PREX1: variants seen among roughly 807,000 people sequenced by gnomAD.
PREX1 encodes phosphatidylinositol-3,4,5-trisphosphate dependent Rac exchange factor 1, also known as phosphatidylinositol 3,4,5-trisphosphate-dependent Rac exchanger 1 protein.
A neutral mutation model predicts 198.3 loss-of-function variants in PREX1; 41 were observed. That is an observed-to-expected ratio of 0.21 (90% CI 0.16 to 0.27). The LOEUF (loss-of-function observed/expected upper bound fraction) is 0.27, where lower values mean the gene tolerates loss of function less well. PREX1 is among the 10% of genes least tolerant of loss of function. The pLI, the probability that PREX1 is intolerant of heterozygous loss-of-function variation, is 1.00. For missense variants in PREX1, 1,620 were observed against 2,200.7 expected (o/e 0.74, Z 5.28); for synonymous variants, 843 against 887.2 (o/e 0.95, Z 0.89).
intron 1 of PREX1, among the ~76,000 whole-genome samples, chr20:48,766,345 G>C (rs748305737): frequency 5.1e-4 from 77 of 152,182 alleles, no homozygotes; most frequent in Non-Finnish European, 7.8e-4. Context: ...TGACACAAAG[G>C]GATCGTCACA....
At chr20:48,801,055 G>C (rs555732395) in intron 1 of PREX1, among the ~76,000 whole-genome samples, 1 of 152,262 alleles carries the variant, frequency 6.6e-6, no homozygotes, top group Admixed American at 6.5e-5. Flanking sequence ...CTATCACCAG[G>C]ATAAAATGGG....
At chr20:48,808,172 G>A (rs2090420349) in intron 1 of PREX1, among the ~76,000 whole-genome samples, 1 of 152,128 alleles carries the variant, frequency 6.6e-6, no homozygotes, top group Non-Finnish European at 1.5e-5. Flanking sequence ...CCTGCTCTGG[G>A]GCTGACCTCA....
chr20:48,752,702 T>G (rs2090139486), intron 1 of PREX1, among the ~76,000 whole-genome samples: 1 of 152,144 alleles, frequency 6.6e-6, no homozygotes, highest in Non-Finnish European at 1.5e-5. Flanking sequence ...CTTGGCTGCC[T>G]TCTCCTCCCT....
chr20:48,823,554 C>A (rs1222292470), intron 1 of PREX1, among the ~76,000 whole-genome samples: 1 of 152,202 alleles, frequency 6.6e-6, no homozygotes, highest in Admixed American at 6.5e-5. Flanking sequence ...CAGCATGACT[C>A]CAGAGCCTCA....
chr20:48,758,531 G>A (rs570997620), intron 1 of PREX1, among the ~76,000 whole-genome samples: 1 of 152,308 alleles, frequency 6.6e-6, no homozygotes, highest in Non-Finnish European at 1.5e-5. Flanking sequence ...CACTTCAGCA[G>A]ATGTTCTCCT....
rs368018620 is a variant in PREX1 at position 48,636,475 on chromosome 20, C to G, written c.4155G>C (p.Ser1385=). ...GVLLHCQSLL[S]PATVKEERTM... ...CCCACTCACTCACCACTGTGGCTGG[C>G]GAGAGCAGGGACTGGCAGTGCAGCA... Residue 1385 remains serine (S), a synonymous_variant, in exon 32 of 40, where the codon TCG becomes TCC. Transcript: ENST00000371941. 6.2e-7 allele frequency: 1 copy of G among 1,604,376 alleles called. No homozygotes were observed. The highest frequency in any genetic ancestry group is 2.2e-5 in the East Asian group (1 of 44,780).
At chr20:48,651,356 C>T in intron 22 of PREX1, 40 bp downstream of exon 22, 3 of 1,540,064 alleles carry the variant, frequency 1.9e-6, no homozygotes, top group South Asian at 2.5e-5. Flanking sequence ...TGGCTTCAAT[C>T]CCCCAGGGTA....
At chr20:48,742,153 T>C (rs2090085274) in intron 3 of PREX1, among the ~76,000 whole-genome samples, 2 of 152,152 alleles carry the variant, frequency 1.3e-5, no homozygotes, top group Non-Finnish European at 2.9e-5. Flanking sequence ...ACGGGAGCCC[T>C]GCTGAGGTGC....
chr20:48,658,811 G>A (rs1224594011), intron 16 of PREX1, among the ~76,000 whole-genome samples: 2 of 152,134 alleles, frequency 1.3e-5, no homozygotes, highest in Admixed American at 6.5e-5. Context: ...AGGTGCTATC[G>A]GAGCTGAGGC....
intron 1 of PREX1, among the ~76,000 whole-genome samples, chr20:48,748,749 C>T (rs1417260028): frequency 6.6e-6 from 1 of 152,168 alleles, no homozygotes; most frequent in Non-Finnish European, 1.5e-5. Context: ...GCTGCGGGAG[C>T]CGAGGGTGCA....
At chr20:48,758,136 G>C (rs2090162973) in intron 1 of PREX1, among the ~76,000 whole-genome samples, 3 of 152,144 alleles carry the variant, frequency 2.0e-5, no homozygotes, top group African/African-American at 7.2e-5. Context: ...ACCAAGAAGG[G>C]AAGGCAGCCC....
At chr20:48,851,469 T>C in the PREX1 span, among the ~76,000 whole-genome samples, 3 of 152,182 alleles carry the variant, frequency 2.0e-5, no homozygotes, top group African/African-American at 7.2e-5. Context: ...ATCACGCCAT[T>C]GCACTCCAGC....
intron 1 of PREX1, among the ~76,000 whole-genome samples, chr20:48,788,230 G>C (rs1402063764): frequency 6.6e-6 from 1 of 152,214 alleles, no homozygotes; most frequent in African/African-American, 2.4e-5. Flanking sequence ...TTGCAGGATA[G>C]AGGCAGATGT....
chr20:48,782,539 A>G (rs1294635155), intron 1 of PREX1, among the ~76,000 whole-genome samples: 3 of 152,182 alleles, frequency 2.0e-5, no homozygotes, highest in Non-Finnish European at 2.9e-5. Context: ...ATCCATTTCT[A>G]TGAATATGTC....
At position 48,666,772 on chromosome 20, in the gene PREX1, G is replaced by C. The variant is rs1243243178; in HGVS notation, c.1666-417C>G. ...AATCTCCTGACCTCGTGATCCGTCC[G>C]TCTTGGCCTCCCAAAGTGCTGGAAT... On this transcript the variant is annotated intron_variant, in intron 14 of 39. Coordinates refer to ENST00000371941, the MANE Select transcript of PREX1 (RefSeq NM_020820.4). The surrounding 1 kb of genome is among the most constrained non-coding windows in gnomAD (Gnocchi z 4.3). Among the ~76,000 whole-genome samples the C allele has an allele frequency of 6.6e-6, 1 of 151,386 alleles. No homozygotes were observed. The highest frequency in any genetic ancestry group is 1.5e-5 in the Non-Finnish European group (1 of 67,840).
chr20:48,835,474 A>C, the PREX1 span, among the ~76,000 whole-genome samples: 3 of 152,260 alleles, frequency 2.0e-5, no homozygotes, highest in Non-Finnish European at 4.4e-5. Context: ...ATTAAACAAC[A>C]GGGAGCACTG....
rs2123080400 is a variant in PREX1, at chr20:48,822,193, C to T, written c.219+5449G>A. Reference sequence around the variant, plus strand: ...CTTCCTGATGATGATGAGCCCAACACAAGGTGGCCTGTTCCAGGCTCTCCG... The same window carrying T: ...CTTCCTGATGATGATGAGCCCAACATAAGGTGGCCTGTTCCAGGCTCTCCG... On this transcript the variant is annotated intron_variant, in intron 1 of 39. Transcript: ENST00000371941. 1.3e-5 allele frequency among the ~76,000 whole-genome samples: 2 copies of T among 152,356 alleles called. 1 individual carries two copies. The highest frequency in any genetic ancestry group is 4.1e-4 in the South Asian group (2 of 4,830).
At chr20:48,675,945 G>A (rs193161367) in intron 14 of PREX1, among the ~76,000 whole-genome samples, 4 of 152,078 alleles carry the variant, frequency 2.6e-5, no homozygotes, top group African/African-American at 9.6e-5. Flanking sequence ...GCTGAGGCAG[G>A]AGAATTGCTT....
intron 3 of PREX1, among the ~76,000 whole-genome samples, chr20:48,742,852 A>T (rs1464436492): frequency 6.6e-6 from 1 of 152,032 alleles, no homozygotes; most frequent in Non-Finnish European, 1.5e-5. Flanking sequence ...AGTTAAACCC[A>T]CTTCCCCACA....
Sources: gnomAD v4.1 joint callset for allele counts (sites outside exome capture counted in the v4.1 genomes callset) on GRCh38, gnomAD v4.1.1 for gene constraint, Gnocchi (gnomAD v3.1) non-coding constraint, MANE v1.5 for transcripts, NCBI Gene and HGNC (gene_info 2026-07-23, HGNC 2026-07-21) for gene names.